WDR59: variants seen among roughly 807,000 people sequenced by gnomAD.
WDR59 encodes WD repeat domain 59, also known as GATOR2 complex protein WDR59.
A neutral mutation model predicts 131.2 loss-of-function variants in WDR59; 100 were observed. The ratio of observed to expected loss-of-function variants is 0.76; its 90% CI spans 0.65 to 0.90. WDR59 has a LOEUF of 0.90. Among genes scored for constraint, WDR59 ranks in the 40% least tolerant of loss-of-function variants. WDR59 has a pLI of 0.00. For synonymous variants in WDR59, 601 were observed against 466.2 expected, an observed-to-expected ratio of 1.29 and a Z score of -3.72; for missense variants, 1,203 against 1,262.2, an observed-to-expected ratio of 0.95 and a Z score of 0.71.
chr16:74,930,869 G>A (rs977001198), intron 8 of WDR59: 1 of 122,404 alleles, frequency 8.2e-6, no homozygotes, highest in Non-Finnish European at 1.6e-5. Context: ...CTCTAGCCTG[G>A]ATGACAGAGA....
intron 18 of WDR59, among the ~76,000 whole-genome samples, chr16:74,897,016 T>C (rs1965328931): frequency 6.6e-6 from 1 of 152,234 alleles, no homozygotes; most frequent in Non-Finnish European, 1.5e-5. Context: ...TAATTTTATA[T>C]TAAAAACTAA....
At chr16:74,968,564 T>A (rs917815643) in intron 1 of WDR59, among the ~76,000 whole-genome samples, 1 of 151,974 alleles carries the variant, frequency 6.6e-6, no homozygotes, top group Non-Finnish European at 1.5e-5. Flanking sequence ...CTACTAAATA[T>A]ACAAAAATCA....
intron 1 of WDR59, among the ~76,000 whole-genome samples, chr16:74,974,237 C>T: frequency 6.6e-6 from 1 of 152,118 alleles, no homozygotes; most frequent in East Asian, 1.9e-4. Flanking sequence ...CTTTCCCACA[C>T]ACTAAAATGG....
intron 17 of WDR59, among the ~76,000 whole-genome samples, chr16:74,906,646 C>A (rs1236610312): frequency 1.3e-5 from 2 of 152,148 alleles, no homozygotes; most frequent in African/African-American, 4.8e-5. Context: ...AACGAATAAA[C>A]AAACTGTGTT....
At chr16:74,979,412 G>A (rs1039951584) in intron 1 of WDR59, among the ~76,000 whole-genome samples, 17 of 151,568 alleles carry the variant, frequency 1.1e-4, no homozygotes, top group Non-Finnish European at 2.2e-4. Flanking sequence ...CTTACAGTGA[G>A]CCAAGATCGA....
chr16:74,910,713 T>C (rs1196159677), intron 14 of WDR59, among the ~76,000 whole-genome samples: 1 of 152,256 alleles, frequency 6.6e-6, no homozygotes, highest in Non-Finnish European at 1.5e-5. Context: ...TGTTCCATTA[T>C]TGGAACACTA....
In WDR59 at chr16:74,909,904, G is replaced by A. The variant is rs1966000387; in HGVS notation, c.1403C>T (p.Thr468Ile). ...GCCACGCTTCACTTTCTGCAGGGCT[G>A]TGTCCTTCAGGATCTAGAAAAGGCC... is the stretch of plus-strand genomic sequence containing the variant. ...KAKLLKILKD[T>I]ALQKVKRGQS... The change falls in exon 15 of 26, where the codon ACA becomes ATA. Residue 468 changes from threonine to isoleucine, a missense_variant. Thr to Ile is a moderately conservative substitution (Grantham distance 89). Transcript: ENST00000262144. The A allele has an allele frequency of 6.2e-7, 1 of 1,611,920 alleles. No individual in the cohort carries two copies. Among genetic ancestry groups the A allele is most frequent in the South Asian group, 1.1e-5 (1 of 90,762 alleles).
chr16:74,877,705 C>A (rs535342139), intron 25 of WDR59, among the ~76,000 whole-genome samples: 1 of 152,198 alleles, frequency 6.6e-6, no homozygotes, highest in South Asian at 2.1e-4. Context: ...CCAACATGCC[C>A]GGCTAATTTC....
At chr16:74,924,478 C>G (rs1287339506) in intron 8 of WDR59, among the ~76,000 whole-genome samples, 4 of 152,054 alleles carry the variant, frequency 2.6e-5, no homozygotes, top group Non-Finnish European at 2.9e-5. Flanking sequence ...TATAAAGAAA[C>G]GACATAATGT....
intron 13 of WDR59, among the ~76,000 whole-genome samples, chr16:74,913,017 C>A (rs1374046388): frequency 6.6e-6 from 1 of 151,096 alleles, no homozygotes; most frequent in African/African-American, 2.5e-5. Context: ...GAACATGTCA[C>A]AGTGCTGCAG....
At chr16:74,885,020 G>C (rs1401843201) in intron 25 of WDR59, among the ~76,000 whole-genome samples, 2 of 152,202 alleles carry the variant, frequency 1.3e-5, no homozygotes, top group Non-Finnish European at 2.9e-5. Context: ...CCCCTACTCA[G>C]CTGTAAGCTC....
chr16:74,966,931 T>C (rs1233469734), intron 1 of WDR59, among the ~76,000 whole-genome samples: 2 of 152,200 alleles, frequency 1.3e-5, no homozygotes, highest in South Asian at 2.1e-4. Context: ...CAGGCAGTTA[T>C]TGCCCTGAAT....
intron 1 of WDR59, among the ~76,000 whole-genome samples, chr16:74,983,205 G>C (rs1375195205): frequency 6.6e-6 from 1 of 152,042 alleles, no homozygotes; most frequent in South Asian, 2.1e-4. Context: ...AGGTGTAGTG[G>C]CTCACACCTG....
chr16:74,905,722 AAAAT>A (rs1043621128), intron 17 of WDR59, among the ~76,000 whole-genome samples: 28 of 151,490 alleles, frequency 1.8e-4, no homozygotes, highest in Admixed American at 6.6e-4. Context: ...AAAATAAAAT[AAAAT>A]AAATAAAATT....
At chr16:74,878,022 G>A (rs1168074592) in intron 25 of WDR59, among the ~76,000 whole-genome samples, 1 of 152,170 alleles carries the variant, frequency 6.6e-6, no homozygotes, top group Non-Finnish European at 1.5e-5. Context: ...TCAGCTACCT[G>A]TATAACTCCC....
At chr16:74,956,706 C>G (rs2033310509) in intron 2 of WDR59, 96 bp from the exon 3 acceptor site, 1 of 1,486,058 alleles carries the variant, frequency 6.7e-7, no homozygotes, top group Non-Finnish European at 9.1e-7. Context: ...AATTTGCAAG[C>G]AGTGCTCCAA....
rs367579429 is a variant in WDR59 at position 74,883,496 on chromosome 16, A to C, written c.2689+2157T>G. Among the ~76,000 whole-genome samples, 41 of 152,310 alleles carry C rather than the reference A, an allele frequency of 2.7e-4. No individual in the cohort carries two copies. In the East Asian group the frequency reaches 7.7e-3, roughly 29 times the overall value. The stretch of plus-strand genomic sequence containing the variant: ...TCCCAGATTCCAAATGTTACTGCCA[A>C]CATTACTTCTTGTACAATTAGGCTT... On this transcript the variant is annotated intron_variant, in intron 25 of 25. Coordinates refer to ENST00000262144, the MANE Select transcript of WDR59 (RefSeq NM_030581.4).
At chr16:74,884,251 C>G (rs927064922) in intron 25 of WDR59, among the ~76,000 whole-genome samples, 1 of 152,238 alleles carries the variant, frequency 6.6e-6, no homozygotes, top group South Asian at 2.1e-4. Flanking sequence ...ATCCTTTCCT[C>G]GTAGGAAGGC....
rs532464093 is a variant in WDR59, at chr16:74,909,073, C to T, written c.1643-96G>A. On this transcript the variant is annotated intron_variant, in intron 16 of 25. Coordinates refer to ENST00000262144, the MANE Select transcript of WDR59 (RefSeq NM_030581.4). ...GGCCAGTCTTTCTTCTATCTCTGTACACCTGAGGGTAAGACACATTTTCAT... is the reference window on the plus strand; with the variant it reads ...GGCCAGTCTTTCTTCTATCTCTGTATACCTGAGGGTAAGACACATTTTCAT... 8.7e-4 allele frequency: 900 copies of T among 1,038,786 alleles called. 5 individuals are homozygous for T. The African/African-American group carries it at 0.012, about 14-fold the overall frequency. The allele number at this position is 1,038,786 out of a possible 1,614,324, so 64.3% of individuals were successfully genotyped here.
Sources: allele counts gnomAD v4.1 joint callset (sites outside exome capture counted in the v4.1 genomes callset), GRCh38; gene constraint gnomAD v4.1.1; transcripts MANE v1.5; gene names NCBI Gene and HGNC (gene_info 2026-07-23, HGNC 2026-07-21).